Variants in SULF2 observed in about 807,000 individuals in gnomAD.
The protein encoded by SULF2 is sulfatase 2.
In SULF2, 52 loss-of-function variants were observed where a neutral mutation model predicts 107.7. The observed-to-expected ratio is 0.48, with a 90% CI of 0.39 to 0.61. The LOEUF (loss-of-function observed/expected upper bound fraction) is 0.61, where lower values mean the gene tolerates loss of function less well. SULF2 is among the 20% of genes least tolerant of loss of function. SULF2 has a pLI of 0.00. For missense variants in SULF2, 993 were observed against 1,177.3 expected (o/e 0.84, Z 2.29); for synonymous variants, 460 against 464.3 (o/e 0.99, Z 0.12).
intron 5 of SULF2, among the ~76,000 whole-genome samples, chr20:47,688,646 T>C (rs1354536553): frequency 6.6e-6 from 1 of 152,028 alleles, no homozygotes; most frequent in East Asian, 1.9e-4. Context: ...CTGGCCTTCT[T>C]GGGTGGAGAG....
At chr20:47,700,714 C>A (rs548364204) in intron 4 of SULF2, among the ~76,000 whole-genome samples, 1 of 146,286 alleles carries the variant, frequency 6.8e-6, no homozygotes, top group Non-Finnish European at 1.5e-5. Flanking sequence ...GATGTGATCT[C>A]GGCTCACTGC....
rs1322910281 is a variant in SULF2, at chr20:47,736,949, G to A, written c.176-7C>T. Reference sequence around the variant, plus strand: ...TTCATCACCTGCATGGAACCTGCAAGTCAAGGGTGGAAGTAAGGCGCAGGG... The same window carrying A: ...TTCATCACCTGCATGGAACCTGCAAATCAAGGGTGGAAGTAAGGCGCAGGG... On this transcript the variant is annotated splice_region_variant and splice_polypyrimidine_tract_variant and intron_variant, in intron 2 of 20. Transcript: ENST00000688720. 1.1e-5 allele frequency: 18 copies of A among 1,614,074 alleles called. No individual in the cohort carries two copies. Among genetic ancestry groups the A allele is most frequent in the Non-Finnish European group, 1.5e-5 (18 of 1,179,958 alleles).
chr20:47,718,363 A>C (rs1013288260), intron 3 of SULF2, among the ~76,000 whole-genome samples: 1 of 152,184 alleles, frequency 6.6e-6, no homozygotes, highest in African/African-American at 2.4e-5. Context: ...GATGTTATAT[A>C]TTCATTCATT....
chr20:47,765,371 CA>C (rs11478422), intron 1 of SULF2, among the ~76,000 whole-genome samples: 31,495 of 138,146 alleles, frequency 0.23, 3,450 homozygotes, highest in African/African-American at 0.26. Flanking sequence ...CAAAACAAAA[CA>C]AAAAAAAAAA....
At chr20:47,660,473 C>CATGA (rs1226873685) in intron 18 of SULF2, among the ~76,000 whole-genome samples, 3 of 152,326 alleles carry the variant, frequency 2.0e-5, no homozygotes, top group South Asian at 2.1e-4. Flanking sequence ...ATTTTCCTGA[C>CATGA]ATGAACTCTA....
At chr20:47,681,550 G>A (rs1342546996) in intron 7 of SULF2, among the ~76,000 whole-genome samples, 1 of 152,190 alleles carries the variant, frequency 6.6e-6, no homozygotes, top group African/African-American at 2.4e-5. Context: ...AATAGAGACT[G>A]CCTGGTTTCA....
At chr20:47,697,367 C>T (rs1159068441) in intron 4 of SULF2, among the ~76,000 whole-genome samples, 5 of 152,214 alleles carry the variant, frequency 3.3e-5, no homozygotes, top group Admixed American at 6.5e-5. Context: ...GGGGGGCTTA[C>T]GAAGGGTTGC....
chr20:47,754,350 C>T (rs890296551), intron 2 of SULF2, among the ~76,000 whole-genome samples: 2 of 152,220 alleles, frequency 1.3e-5, no homozygotes, highest in African/African-American at 4.8e-5. Context: ...TTTAGGACCA[C>T]CCGCTGCATG....
intron 4 of SULF2, among the ~76,000 whole-genome samples, chr20:47,690,503 G>T (rs772461779): frequency 8.5e-5 from 13 of 152,236 alleles, no homozygotes; most frequent in Non-Finnish European, 1.3e-4. Context: ...TGCAAATGGT[G>T]CTAAGCTAAT....
intron 1 of SULF2, among the ~76,000 whole-genome samples, chr20:47,764,461 T>C (rs1205931166): frequency 1.3e-5 from 2 of 152,132 alleles, no homozygotes; most frequent in Non-Finnish European, 2.9e-5. Flanking sequence ...CCCTTATATA[T>C]GGTTTGACTG....
At position 47,736,711 on chromosome 20, in the gene SULF2, T is replaced by C. The variant is rs1568878895; in HGVS notation, c.407A>G (p.Tyr136Cys). The part of the protein sequence containing the change: ...TFAVYLNSTG[Y>C]RTAFFGKYLN... ...CCCCCGTCCCTGCTCACCTGTCCGG[T>C]AGCCAGTGCTATTGAGGTACACGGC... The change falls in exon 3 of 21, where the codon TAC (tyrosine) becomes TGC (cysteine). Residue 136 changes from tyrosine to cysteine, a missense_variant. Around this residue, in one of 3 missense-constraint regions of SULF2, gnomAD observed 388 missense variants for 449.2 expected, o/e 0.86. Transcript: ENST00000688720. The C allele has an allele frequency of 6.2e-7, 1 of 1,614,052 alleles. No individual in the cohort carries two copies. The highest frequency in any genetic ancestry group is 1.3e-5 in the African/African-American group (1 of 74,916).
rs554331396 is a variant in SULF2, at chr20:47,687,418, G to A, written c.737+2708C>T. On this transcript the variant is annotated intron_variant, in intron 5 of 20. Coordinates refer to ENST00000688720, the MANE Select transcript of SULF2 (RefSeq NM_001387048.1). ...ATATCTGGTGCGTTCACAAAAGGGC[G>A]TGAAGAAGACCATCCCCCTTCCCTT... 2.6e-5 allele frequency among the ~76,000 whole-genome samples: 4 copies of A among 152,326 alleles called. No homozygotes were observed. In the East Asian group the frequency reaches 5.8e-4, roughly 22 times the overall value.
intron 1 of SULF2, among the ~76,000 whole-genome samples, chr20:47,783,742 T>TG (rs1293260133): frequency 1.3e-5 from 2 of 152,200 alleles, no homozygotes; most frequent in African/African-American, 4.8e-5. Context: ...TAAATTTAGC[T>TG]GGGGAAGGAA....
chr20:47,665,196 C>T lies in SULF2; in HGVS notation c.1997+3G>A, dbSNP rs369355701. 29 of 1,609,322 alleles carry T rather than the reference C, an allele frequency of 1.8e-5. No individual in the cohort carries two copies. The highest frequency in any genetic ancestry group is 1.3e-4 in the Admixed American group (8 of 59,996). On this transcript the variant is annotated splice_donor_region_variant and intron_variant, in intron 14 of 20. Transcript: ENST00000688720. ...TAGGGAGGTCCCTTTGCTACTGCCT[C>T]ACCTGATTTTGTGACAGTCACATTC...
chr20:47,720,271 T>C (rs925263105), intron 3 of SULF2, among the ~76,000 whole-genome samples: 4 of 152,134 alleles, frequency 2.6e-5, no homozygotes, highest in South Asian at 4.1e-4. Context: ...ATTTTATTTT[T>C]TTTGAGACAG....
chr20:47,714,303 T>C (rs1647956554), intron 3 of SULF2, among the ~76,000 whole-genome samples: 1 of 152,184 alleles, frequency 6.6e-6, no homozygotes, highest in African/African-American at 2.4e-5. Flanking sequence ...TCATTTGGTG[T>C]CAAATCAGCA....
At chr20:47,675,069 C>T (rs977492514) in intron 10 of SULF2, among the ~76,000 whole-genome samples, 2 of 152,218 alleles carry the variant, frequency 1.3e-5, no homozygotes, top group Non-Finnish European at 2.9e-5. Flanking sequence ...TTCTTGGCCC[C>T]AGCAAAGAGG....
chr20:47,662,978 A>G (rs1376699733), intron 17 of SULF2, 92 bp downstream of exon 17: 1 of 1,504,684 alleles, frequency 6.6e-7, no homozygotes, highest in South Asian at 1.2e-5. Context: ...GACTTGGACA[A>G]TTTGTCATCA....
intron 7 of SULF2, among the ~76,000 whole-genome samples, chr20:47,682,417 G>A (rs538254535): frequency 1.6e-4 from 25 of 152,302 alleles, no homozygotes; most frequent in African/African-American, 6.0e-4. Context: ...AGCTGCTGCC[G>A]GGAACAGTGG....
Sources: allele counts gnomAD v4.1 joint callset (sites outside exome capture counted in the v4.1 genomes callset), GRCh38; gene constraint gnomAD v4.1.1; regional missense constraint gnomAD v4.1.1; transcripts MANE v1.5; gene names NCBI Gene and HGNC (gene_info 2026-07-23, HGNC 2026-07-21).